The following LRRC7 variants were observed in gnomAD, a reference collection of about 807,000 sequenced individuals.
LRRC7 encodes leucine rich repeat containing 7.
In LRRC7, 23 loss-of-function variants were observed where a neutral mutation model predicts 175.7. That is an observed-to-expected ratio of 0.13 (90% CI 0.09 to 0.19). The LOEUF (loss-of-function observed/expected upper bound fraction) is 0.19, where lower values mean the gene tolerates loss of function less well. LRRC7 is among the 10% of genes least tolerant of loss of function. The probability of loss-of-function intolerance (pLI) is 1.00; values close to 1 mark genes in which losing one functional copy is unlikely to be tolerated. For synonymous variants in LRRC7, 685 were observed against 680.9 expected, an observed-to-expected ratio of 1.01 and a Z score of -0.09; for missense variants, 1,354 against 1,904.7, an observed-to-expected ratio of 0.71 and a Z score of 5.38.
intron 5 of LRRC7, among the ~76,000 whole-genome samples, chr1:69,826,915 G>A (rs370682488): frequency 6.6e-6 from 1 of 152,062 alleles, no homozygotes; most frequent in Non-Finnish European, 1.5e-5. Context: ...GACAAGGTGA[G>A]GAGTGAAATA....
chr1:69,721,565 A>G (rs1666354223), intron 2 of LRRC7, among the ~76,000 whole-genome samples: 1 of 151,906 alleles, frequency 6.6e-6, no homozygotes, highest in Admixed American at 6.6e-5. Flanking sequence ...GCACTGAATA[A>G]TATGCCATTA....
intron 8 of LRRC7, among the ~76,000 whole-genome samples, chr1:69,954,341 T>A (rs990140044): frequency 8.5e-5 from 13 of 152,156 alleles, no homozygotes; most frequent in Non-Finnish European, 1.5e-5. Context: ...GCCTCCCCAC[T>A]GTATAAAATA....
chr1:70,121,974 C>A lies in LRRC7; in HGVS notation c.*87C>A. 1 of 864,766 alleles carries A rather than the reference C, an allele frequency of 1.2e-6. No homozygotes were observed. The highest frequency in any genetic ancestry group is 1.9e-6 in the Non-Finnish European group (1 of 530,272). The allele number at this position is 864,766 out of a possible 1,614,324, so 53.6% of individuals were successfully genotyped here. On this transcript the variant is annotated 3_prime_UTR_variant, in exon 27 of 27. Coordinates refer to ENST00000651989, the MANE Select transcript of LRRC7 (RefSeq NM_001370785.2). ...ACATAGAAACAAATTTTGCCAATTG[C>A]TGGACCAATGGCAAACATTAGTGCC...
At chr1:69,998,073 A>G (rs910395184) in intron 11 of LRRC7, among the ~76,000 whole-genome samples, 1 of 152,142 alleles carries the variant, frequency 6.6e-6, no homozygotes, top group Non-Finnish European at 1.5e-5. Flanking sequence ...TTGCCACCAT[A>G]TAAATTCTTA....
chr1:69,800,798 C>A (rs1204389809), intron 4 of LRRC7, among the ~76,000 whole-genome samples: 2 of 151,750 alleles, frequency 1.3e-5, no homozygotes. Context: ...TGAAAGTGGG[C>A]ATTCTTGTCT....
chr1:69,908,239 G>C (rs1426833520), intron 7 of LRRC7, among the ~76,000 whole-genome samples: 3 of 152,038 alleles, frequency 2.0e-5, no homozygotes, highest in African/African-American at 7.3e-5. Flanking sequence ...TTTTTTGAAG[G>C]GTTTTTTTGT....
chr1:70,117,984 T>C (rs1167141927), intron 26 of LRRC7, among the ~76,000 whole-genome samples: 1 of 152,064 alleles, frequency 6.6e-6, no homozygotes, highest in Non-Finnish European at 1.5e-5. Context: ...CATTTATTTT[T>C]TCAAAGCATC....
chr1:70,027,840 G>C (rs1330621140), intron 17 of LRRC7, among the ~76,000 whole-genome samples: 2 of 152,104 alleles, frequency 1.3e-5, no homozygotes, highest in Admixed American at 1.3e-4. Flanking sequence ...TCTAAAGTAA[G>C]AAAACAGCTG....
rs1558014645 is a variant in LRRC7 at position 70,038,970 on chromosome 1, G to C, written c.3146G>C (p.Gly1049Ala). The change falls in exon 21 of 27, where the codon GGA becomes GCA. Residue 1049 changes from glycine to alanine, a missense_variant. Coordinates refer to ENST00000651989, the MANE Select transcript of LRRC7 (RefSeq NM_001370785.2). ...CTGGATGATGAGATGCTCACCTACG[G>C]AAGTAGTAAGGGGCCACAACAACAA... is the stretch of plus-strand genomic sequence containing the variant. ...PMLDDEMLTY[G>A]SSKGPQQQKA... is the part of the protein sequence containing the mutation. The C allele has an allele frequency of 6.2e-7, 1 of 1,613,936 alleles. No homozygotes were observed. Among genetic ancestry groups the C allele is most frequent in the Non-Finnish European group, 8.5e-7 (1 of 1,179,986 alleles).
intron 26 of LRRC7, among the ~76,000 whole-genome samples, chr1:70,116,983 T>C (rs1235774908): frequency 6.6e-6 from 1 of 152,226 alleles, no homozygotes; most frequent in Non-Finnish European, 1.5e-5. Context: ...GTCACTGCAT[T>C]ATTTCATTTT....
chr1:69,597,923 T>C (rs1336725296), intron 1 of LRRC7, among the ~76,000 whole-genome samples: 1 of 152,084 alleles, frequency 6.6e-6, no homozygotes, highest in Non-Finnish European at 1.5e-5. Context: ...TAATAGAAAA[T>C]AGGGAGAGTG....
intron 3 of LRRC7, among the ~76,000 whole-genome samples, chr1:69,761,179 G>A (rs927022560): frequency 3.9e-5 from 6 of 152,006 alleles, no homozygotes; most frequent in Non-Finnish European, 7.4e-5. Flanking sequence ...AAGTAACCCA[G>A]ATTAAGTAGT....
chr1:69,680,484 A>T (rs2100611412), intron 2 of LRRC7, among the ~76,000 whole-genome samples: 1 of 152,240 alleles, frequency 6.6e-6, no homozygotes, highest in South Asian at 2.1e-4. Context: ...CGATCAGGGA[A>T]GTCTTTGAAG....
intron 5 of LRRC7, 31 bp downstream of exon 5, chr1:69,825,857 T>G: frequency 7.2e-7 from 1 of 1,384,624 alleles, no homozygotes. Context: ...TTTATTTGTA[T>G]TTATATTTCC....
At chr1:69,588,377 G>A (rs1245053) in intron 1 of LRRC7, among the ~76,000 whole-genome samples, 56,905 of 151,808 alleles carry the variant, frequency 0.37, 12,151 homozygotes, top group African/African-American at 0.57. Flanking sequence ...AGAATAAACC[G>A]GATGTGAAAT....
At chr1:70,067,128 G>A (rs1662035820) in intron 23 of LRRC7, among the ~76,000 whole-genome samples, 1 of 151,968 alleles carries the variant, frequency 6.6e-6, no homozygotes, top group African/African-American at 2.4e-5. Context: ...TAAATGGATT[G>A]TTTAGCTTTT....
At chr1:69,739,427 C>A (rs1273310613) in intron 2 of LRRC7, among the ~76,000 whole-genome samples, 1 of 152,016 alleles carries the variant, frequency 6.6e-6, no homozygotes, top group Non-Finnish European at 1.5e-5. Context: ...TTTCTACCCA[C>A]CAAGGATAAG....
At chr1:69,898,662 A>ACTG (rs35234345) in intron 7 of LRRC7, among the ~76,000 whole-genome samples, 60,078 of 150,760 alleles carry the variant, frequency 0.4, 12,818 homozygotes, top group East Asian at 0.55. Context: ...TGCTATCATC[A>ACTG]CTGCTGCTGC....
intron 2 of LRRC7, among the ~76,000 whole-genome samples, chr1:69,686,870 T>C (rs1661215622): frequency 6.6e-6 from 1 of 151,696 alleles, no homozygotes; most frequent in South Asian, 2.1e-4. Flanking sequence ...GTCCTTTAGA[T>C]GCAAAAATAA....
Sources: allele counts gnomAD v4.1 joint callset (sites outside exome capture counted in the v4.1 genomes callset), GRCh38; gene constraint gnomAD v4.1.1; transcripts MANE v1.5; gene names NCBI Gene and HGNC (gene_info 2026-07-23, HGNC 2026-07-21).